Variants in NRXN3 observed in about 807,000 individuals in gnomAD.
The protein encoded by NRXN3 is neurexin 3.
Under a neutral mutation model 137.6 loss-of-function variants are expected in NRXN3, and 32 were observed. The ratio of observed to expected loss-of-function variants is 0.23; its 90% CI spans 0.18 to 0.31. The LOEUF is 0.31. NRXN3 is among the 10% of genes least tolerant of loss of function. The pLI, the probability that NRXN3 is intolerant of heterozygous loss-of-function variation, is 1.00. For missense variants in NRXN3, 1,574 were observed against 2,062.5 expected (o/e 0.76, Z 4.59); for synonymous variants, 798 against 784.5 (o/e 1.02, Z -0.29).
chr14:78,660,256 T>TATAC (rs1469346721), intron 6 of NRXN3, among the ~76,000 whole-genome samples: 1 of 146,164 alleles, frequency 6.8e-6, no homozygotes, highest in African/African-American at 2.5e-5. Context: ...AGTAGATTTA[T>TATAC]ATATATATAT....
chr14:79,445,646 A>G (rs927201010), intron 15 of NRXN3, among the ~76,000 whole-genome samples: 1 of 152,214 alleles, frequency 6.6e-6, no homozygotes, highest in Non-Finnish European at 1.5e-5. Context: ...ATTGATAAGA[A>G]GAGGCCAGCC....
intron 16 of NRXN3, among the ~76,000 whole-genome samples, chr14:79,624,823 A>G (rs1490847890): frequency 8.7e-6 from 1 of 114,606 alleles, no homozygotes; most frequent in African/African-American, 5.1e-5. Flanking sequence ...GTTTTTTTTT[A>G]AACAAGATCT....
chr14:79,443,716 G>C (rs899421261), intron 15 of NRXN3, among the ~76,000 whole-genome samples: 1 of 152,204 alleles, frequency 6.6e-6, no homozygotes, highest in Non-Finnish European at 1.5e-5. Flanking sequence ...GGGCAAGAAG[G>C]GTCCTGTCCT....
At position 79,147,353 on chromosome 14, in the gene NRXN3, G is replaced by A. The variant is rs576262274; in HGVS notation, c.3262+159212G>A. ...TAGCAGCTTTTCTGTTGACAAATGA[G>A]GAATAACTTAATAGTCAAGTGACTG... On this transcript the variant is annotated intron_variant, in intron 15 of 20. Coordinates refer to ENST00000335750, the MANE Select transcript of NRXN3 (RefSeq NM_001330195.2). 1.2e-4 allele frequency among the ~76,000 whole-genome samples: 19 copies of A among 152,208 alleles called. 1 individual carries two copies. The South Asian group carries it at 3.9e-3, about 32-fold the overall frequency.
At chr14:78,289,690 C>T (rs980901964) in intron 3 of NRXN3, among the ~76,000 whole-genome samples, 3 of 151,778 alleles carry the variant, frequency 2.0e-5, no homozygotes, top group African/African-American at 7.3e-5. Flanking sequence ...CCGAGGTGGG[C>T]AGATCACGAG....
intron 15 of NRXN3, among the ~76,000 whole-genome samples, chr14:79,316,729 C>CCTCT (rs35515937): frequency 0.045 from 6,166 of 137,960 alleles, 184 homozygotes; most frequent in Middle Eastern, 0.094. Context: ...CTGTCCTGTC[C>CCTCT]CTCTCTCTCT....
At chr14:78,333,015 G>A (rs188534558) in intron 4 of NRXN3, among the ~76,000 whole-genome samples, 3 of 152,220 alleles carry the variant, frequency 2.0e-5, no homozygotes, top group Admixed American at 6.5e-5. Flanking sequence ...CAATGAGATC[G>A]TGCATAGCTT....
chr14:79,277,850 G>A (rs983019625), intron 15 of NRXN3, among the ~76,000 whole-genome samples: 24 of 152,214 alleles, frequency 1.6e-4, no homozygotes, highest in African/African-American at 5.5e-4. Context: ...GGCAGTTAGG[G>A]TGACTGTGTG....
At chr14:78,392,767 A>C (rs1171835427) in intron 4 of NRXN3, among the ~76,000 whole-genome samples, 3 of 152,162 alleles carry the variant, frequency 2.0e-5, no homozygotes, top group African/African-American at 7.2e-5. Flanking sequence ...AATGAGGATC[A>C]ATCTGCAGTG....
rs370748233 is a variant in NRXN3 at position 79,696,847 on chromosome 14, A to G, written c.3707-783A>G. ...CATTAATATCCATCCATTTTAAAAA[A>G]TTTATTAAATCTGAAGGACAACTTC... On this transcript the variant is annotated intron_variant, in intron 18 of 20. Coordinates refer to ENST00000335750, the MANE Select transcript of NRXN3 (RefSeq NM_001330195.2). 5.9e-5 allele frequency among the ~76,000 whole-genome samples: 9 copies of G among 152,068 alleles called. No individual in the cohort carries two copies. The East Asian group carries it at 1.2e-3, about 20-fold the overall frequency.
chr14:79,194,237 A>G (rs891463058), intron 15 of NRXN3, among the ~76,000 whole-genome samples: 5 of 152,176 alleles, frequency 3.3e-5, no homozygotes, highest in Non-Finnish European at 5.9e-5. Context: ...GTGATTGCTC[A>G]GGTTATTTCG....
At position 79,660,748 on chromosome 14, in the gene NRXN3, C is replaced by T. The variant is rs572018801; in HGVS notation, c.3445-3030C>T. ...TTAGTGACTTAGGGGTGAATTGAAT[C>T]ACCAGCTGTCCTTTCCATGCATCCA... On this transcript the variant is annotated intron_variant, in intron 16 of 20. Coordinates refer to ENST00000335750, the MANE Select transcript of NRXN3 (RefSeq NM_001330195.2). Among the ~76,000 whole-genome samples the T allele has an allele frequency of 7.2e-5, 11 of 152,254 alleles. No homozygotes were observed. The East Asian group carries it at 1.6e-3, about 21-fold the overall frequency.
chr14:79,824,260 T>G (rs2099283654), intron 20 of NRXN3, among the ~76,000 whole-genome samples: 2 of 152,330 alleles, frequency 1.3e-5, no homozygotes, highest in East Asian at 1.9e-4. Context: ...AGCTGCAGAT[T>G]AATTGAGACT....
chr14:78,779,508 A>G (rs1481024320), intron 8 of NRXN3, among the ~76,000 whole-genome samples: 1 of 152,132 alleles, frequency 6.6e-6, no homozygotes, highest in Non-Finnish European at 1.5e-5. Context: ...AAAACAAAAA[A>G]CAAAAAAACA....
intron 16 of NRXN3, among the ~76,000 whole-genome samples, chr14:79,539,009 A>G (rs1242919036): frequency 6.6e-6 from 1 of 152,194 alleles, no homozygotes; most frequent in Non-Finnish European, 1.5e-5. Context: ...GAGAGATTAA[A>G]TAACCTACCT....
rs939208867 is a variant in NRXN3 at position 79,136,416 on chromosome 14, C to T, written c.3262+148275C>T. Among the ~76,000 whole-genome samples, 19 of 152,286 alleles carry T rather than the reference C, an allele frequency of 1.2e-4. No individual in the cohort carries two copies. The East Asian group carries it at 1.5e-3, about 12-fold the overall frequency. On this transcript the variant is annotated intron_variant, in intron 15 of 20. Coordinates refer to ENST00000335750, the MANE Select transcript of NRXN3 (RefSeq NM_001330195.2). ...CCATAGTTTCTCCTGTTTCCTTTTC[C>T]GTTAATGACCAACTTTATATACACT...
intron 15 of NRXN3, among the ~76,000 whole-genome samples, chr14:79,466,795 C>T (rs1400277433): frequency 6.6e-6 from 1 of 152,100 alleles, no homozygotes; most frequent in Non-Finnish European, 1.5e-5. Flanking sequence ...CTCCTGGCTC[C>T]ACTGACCAGA....
At chr14:78,435,708 C>T (rs1410995736) in intron 4 of NRXN3, among the ~76,000 whole-genome samples, 1 of 152,134 alleles carries the variant, frequency 6.6e-6, no homozygotes, top group Admixed American at 6.5e-5. Context: ...TAATTCATTG[C>T]CAGGCAAAGA....
intron 4 of NRXN3, among the ~76,000 whole-genome samples, chr14:78,472,295 G>A (rs564559200): frequency 6.6e-6 from 1 of 152,278 alleles, no homozygotes; most frequent in East Asian, 1.9e-4. Flanking sequence ...TTTACTGTGA[G>A]GAACTTAAGG....
Sources: gnomAD v4.1 joint callset for allele counts (sites outside exome capture counted in the v4.1 genomes callset) on GRCh38, gnomAD v4.1.1 for gene constraint, MANE v1.5 for transcripts, NCBI Gene and HGNC (gene_info 2026-07-23, HGNC 2026-07-21) for gene names.